The following CKAP5 variants were observed in gnomAD, a reference collection of about 807,000 sequenced individuals.
CKAP5 encodes cytoskeleton associated protein 5, also known as cytoskeleton-associated protein 5.
In CKAP5, 27 loss-of-function variants were observed where a neutral mutation model predicts 232.8. The observed-to-expected ratio is 0.12, with a 90% CI of 0.09 to 0.16. The LOEUF is 0.16. CKAP5 is among the 10% of genes least tolerant of loss of function. CKAP5 has a pLI of 1.00. For synonymous variants in CKAP5, 785 were observed against 841.1 expected (o/e 0.93, Z 1.16); for missense variants, 1,838 against 2,424.7 (o/e 0.76, Z 5.08).
rs780514695 is a variant in CKAP5, at chr11:46,816,383, T to A, written c.273A>T (p.Ser91=). The A allele has an allele frequency of 5.6e-6, 9 of 1,613,938 alleles. No homozygotes were observed. The highest frequency in any genetic ancestry group is 7.6e-6 in the Non-Finnish European group (9 of 1,179,964). The change falls in exon 4 of 44, where the codon TCA becomes TCT. Residue 91 remains serine, a synonymous_variant. Coordinates refer to ENST00000529230, the MANE Select transcript of CKAP5 (RefSeq NM_001008938.4). The part of the protein sequence containing the change: ...VAGKTTGEVV[S]GVVSKVFNQP... ...GATTGAACACCTTACTTACAACACCTGACACAACTTCTCCTGTGGTTCTGT... is the reference window on the plus strand; with the variant it reads ...GATTGAACACCTTACTTACAACACCAGACACAACTTCTCCTGTGGTTCTGT...
At chr11:46,776,534 T>C (rs2077431748) in intron 23 of CKAP5, 151 bp from the exon 24 acceptor site, 2 of 532,650 alleles carry the variant, frequency 3.8e-6, no homozygotes, top group Admixed American at 3.7e-5. Context: ...CAGAAACTAG[T>C]TCTATGATTG....
chr11:46,765,110 C>T lies in CKAP5; in HGVS notation c.3537+21G>A, dbSNP rs771032375. 4.4e-5 allele frequency: 70 copies of T among 1,598,082 alleles called. 2 individuals carry two copies. In the South Asian group the frequency reaches 6.8e-4, roughly 16 times the overall value. On this transcript the variant is annotated intron_variant, in intron 28 of 43. Coordinates refer to ENST00000529230, the MANE Select transcript of CKAP5 (RefSeq NM_001008938.4). ...AACAATACAAGCAAAAATCTCCTGA[C>T]GATTCTTAATCCTTCCTTACCTTCA...
At chr11:46,765,599 C>CTTT (rs147227678) in intron 27 of CKAP5, among the ~76,000 whole-genome samples, 1 of 74,642 alleles carries the variant, frequency 1.3e-5, no homozygotes, top group Non-Finnish European at 2.5e-5. Flanking sequence ...TTAATGACAT[C>CTTT]TTTTTTTTTT....
intron 7 of CKAP5, among the ~76,000 whole-genome samples, chr11:46,808,623 T>A (rs1240641383): frequency 6.6e-6 from 1 of 152,220 alleles, no homozygotes; most frequent in South Asian, 2.1e-4. Context: ...TTTGTTCATA[T>A]ATAAAAAGTA....
intron 3 of CKAP5, among the ~76,000 whole-genome samples, chr11:46,817,169 C>T (rs1267659768): frequency 6.6e-6 from 1 of 151,558 alleles, no homozygotes; most frequent in East Asian, 1.9e-4. Context: ...AGTTGGAGTG[C>T]AGTGGTGGGA....
intron 1 of CKAP5, among the ~76,000 whole-genome samples, chr11:46,835,298 A>G (rs1333892763): frequency 3.9e-5 from 6 of 152,070 alleles, no homozygotes; most frequent in East Asian, 1.9e-4. Context: ...GAGAAGGCCT[A>G]GAAACACTGA....
intron 28 of CKAP5, among the ~76,000 whole-genome samples, chr11:46,764,428 T>C (rs1302354316): frequency 6.6e-6 from 1 of 152,172 alleles, no homozygotes; most frequent in Admixed American, 6.6e-5. Flanking sequence ...AATGCACCAA[T>C]ACAAACAGTG....
chr11:46,795,694 A>G lies in CKAP5; in HGVS notation c.1550T>C (p.Leu517Pro), dbSNP rs777202620. 6.2e-7 allele frequency: 1 copy of G among 1,614,130 alleles called. No individual in the cohort carries two copies. The highest frequency in any genetic ancestry group is 1.1e-5 in the South Asian group (1 of 91,080). The change falls in exon 13 of 44, where the codon CTG (leucine) becomes CCG (proline). Residue 517 changes from leucine (L) to proline (P), a missense_variant. This residue lies in a region of CKAP5 where 767 missense variants were observed against 954.6 expected (regional missense o/e 0.80). Coordinates refer to ENST00000529230, the MANE Select transcript of CKAP5 (RefSeq NM_001008938.4). ...LAADKKEFKP[L>P]PGRTAASGAA... Reference sequence around the variant, plus strand: ...CCCTGAAGCAGCAGTCCTTCCAGGCAGAGGTTTGAATTCCTTCTTATCAGC... The same window carrying G: ...CCCTGAAGCAGCAGTCCTTCCAGGCGGAGGTTTGAATTCCTTCTTATCAGC...
At chr11:46,816,700 T>G (rs1183708664) in intron 3 of CKAP5, among the ~76,000 whole-genome samples, 4 of 151,744 alleles carry the variant, frequency 2.6e-5, no homozygotes, top group Non-Finnish European at 1.5e-5. Flanking sequence ...TTGATATCCC[T>G]CCTTCCAGAC....
At chr11:46,837,874 A>G (rs4603264) in intron 1 of CKAP5, among the ~76,000 whole-genome samples, 148,377 of 152,256 alleles carry the variant, frequency 0.97, 72,410 homozygotes, top group Middle Eastern at 1. Flanking sequence ...AAATAAATTA[A>G]GTAGGTACTC....
In CKAP5 at chr11:46,744,449, G is replaced by A; in HGVS notation, c.5833C>T (p.Arg1945Ter). The change falls in exon 43 of 44, where the codon CGA becomes TGA. Residue 1945 changes from arginine to a stop codon, truncating the protein, a stop_gained. Transcript: ENST00000529230. LOFTEE classifies it high-confidence loss of function. ...YLERLKILRQ[R>*]CGLDNTKQDD... ...ACCTTTGTGTTGTCCAGACCACATCGCTGTCGGAGGATCTTTAGCCTTTCC... is the reference window on the plus strand; with the variant it reads ...ACCTTTGTGTTGTCCAGACCACATCACTGTCGGAGGATCTTTAGCCTTTCC... The A allele has an allele frequency of 1.2e-6, 2 of 1,614,096 alleles. No individual in the cohort carries two copies. The highest frequency in any genetic ancestry group is 2.2e-5 in the South Asian group (2 of 91,084).
At chr11:46,833,450 C>T (rs1267783331) in intron 1 of CKAP5, among the ~76,000 whole-genome samples, 2 of 151,746 alleles carry the variant, frequency 1.3e-5, no homozygotes, top group African/African-American at 4.8e-5. Flanking sequence ...TAAACCACAG[C>T]TATCATTACT....
At chr11:46,833,487 T>A (rs1939841023) in intron 1 of CKAP5, among the ~76,000 whole-genome samples, 2 of 150,546 alleles carry the variant, frequency 1.3e-5, no homozygotes, top group Non-Finnish European at 3.0e-5. Context: ...TATTAATTTT[T>A]TTTTTGTTTT....
chr11:46,743,898 CT>C lies in CKAP5; in HGVS notation c.*124del. Reference sequence around the variant, plus strand: ...ACTTGTGCCACAATGACTCCTCCCCCTAGCTCCACGGCATGATACATACAAC... The same window carrying C: ...ACTTGTGCCACAATGACTCCTCCCCCAGCTCCACGGCATGATACATACAAC... On this transcript the variant is annotated 3_prime_UTR_variant, in exon 44 of 44. Coordinates refer to ENST00000529230, the MANE Select transcript of CKAP5 (RefSeq NM_001008938.4). 4.1e-6 allele frequency: 5 copies of C among 1,216,450 alleles called. No homozygotes were observed. Among genetic ancestry groups the C allele is most frequent in the Non-Finnish European group, 4.7e-6 (4 of 853,388 alleles). The allele number at this position is 1,216,450 out of a possible 1,614,324, so 75.4% of individuals were successfully genotyped here.
chr11:46,757,721 G>A (rs2065121330), intron 35 of CKAP5, among the ~76,000 whole-genome samples: 1 of 151,688 alleles, frequency 6.6e-6, no homozygotes, highest in South Asian at 2.1e-4. Flanking sequence ...CTGAGCAGCT[G>A]GGACTATAGG....
At chr11:46,774,564 C>T (rs1338017115) in intron 24 of CKAP5, among the ~76,000 whole-genome samples, 2 of 152,172 alleles carry the variant, frequency 1.3e-5, no homozygotes, top group Non-Finnish European at 2.9e-5. Flanking sequence ...AAGCTGGAGG[C>T]ATCACGCTAC....
intron 24 of CKAP5, 84 bp from the exon 25 acceptor site, chr11:46,771,066 T>C: frequency 8.5e-7 from 1 of 1,173,042 alleles, no homozygotes; most frequent in South Asian, 1.6e-5. Flanking sequence ...ATTTCATTAG[T>C]CTCAAGCACT....
intron 35 of CKAP5, among the ~76,000 whole-genome samples, chr11:46,756,605 C>T (rs1473049432): frequency 6.6e-6 from 1 of 152,136 alleles, no homozygotes; most frequent in Non-Finnish European, 1.5e-5. Flanking sequence ...ATCCTCAGAC[C>T]CCATTCCATT....
chr11:46,818,341 C>T lies in CKAP5; in HGVS notation c.220G>A (p.Val74Ile), dbSNP rs752137781. The change falls in exon 3 of 44, where the codon GTT becomes ATT. Residue 74 changes from valine to isoleucine, a missense_variant. This residue lies in a region of CKAP5 where 285 missense variants were observed against 300.0 expected (regional missense o/e 0.95). Transcript: ENST00000529230. Reference protein sequence around the residue: ...VQLKGLEAALVYVENAHVAGK... With the variant: ...VQLKGLEAALIYVENAHVAGK... ...GCTACATGGGCATTTTCAACATAAA[C>T]AAGTGCAGCTTCTAATCCTTTCAAT... 6.3e-7 allele frequency: 1 copy of T among 1,598,194 alleles called. No individual in the cohort carries two copies. Among genetic ancestry groups the T allele is most frequent in the Non-Finnish European group, 8.5e-7 (1 of 1,175,352 alleles).
Sources: gnomAD v4.1 joint callset for allele counts (sites outside exome capture counted in the v4.1 genomes callset) on GRCh38, gnomAD v4.1.1 for gene constraint, gnomAD v4.1.1 regional missense constraint, MANE v1.5 for transcripts, NCBI Gene and HGNC (gene_info 2026-07-23, HGNC 2026-07-21) for gene names.